Variants in FRS2 observed in about 807,000 individuals in gnomAD.
FRS2 encodes fibroblast growth factor receptor substrate 2, also known as FGFR signalling adaptor.
FRS2 carries 8 observed loss-of-function variants against 43.9 expected under a neutral mutation model. The observed-to-expected ratio is 0.18, with a 90% confidence interval of 0.11 to 0.33. FRS2 has a LOEUF of 0.33. Ranked by LOEUF, FRS2 falls within the 10% of genes least tolerant of loss-of-function variation. The probability of loss-of-function intolerance (pLI) is 1.00; values close to 1 mark genes in which losing one functional copy is unlikely to be tolerated. For synonymous variants in FRS2, 219 were observed against 220.3 expected, an observed-to-expected ratio of 0.99 and a Z score of 0.05; for missense variants, 534 against 627.6, an observed-to-expected ratio of 0.85 and a Z score of 1.59.
chr12:69,480,269 C>T (rs1172941281), intron 1 of FRS2: 1 of 152,184 alleles, frequency 6.6e-6, no homozygotes, highest in Non-Finnish European at 1.5e-5. Flanking sequence ...ACCCATTAGA[C>T]AGTAATTCCT....
At chr12:69,477,608 C>T (rs1870934323) in intron 1 of FRS2, among the ~76,000 whole-genome samples, 1 of 150,936 alleles carries the variant, frequency 6.6e-6, no homozygotes, top group Admixed American at 6.6e-5. Context: ...AAAATTGATG[C>T]TCCTAAGAGA....
chr12:69,547,735 T>G (rs752956285), intron 3 of FRS2, among the ~76,000 whole-genome samples: 2 of 152,174 alleles, frequency 1.3e-5, no homozygotes, highest in African/African-American at 2.4e-5. Context: ...AATTCCATTA[T>G]TAATGAGTTA....
In FRS2 at chr12:69,528,629, T is replaced by C. The variant is rs546127602; in HGVS notation, c.-260-2236T>C. 5.9e-5 allele frequency among the ~76,000 whole-genome samples: 9 copies of C among 152,338 alleles called. No homozygotes were observed. The South Asian group carries it at 1.4e-3, about 25-fold the overall frequency. On this transcript the variant is annotated intron_variant, in intron 1 of 8. Transcript: ENST00000549921. ...CTTAAGAATCTTTTAAAAGGAACAG[T>C]GTAGCTCTACAGATGTTTAGACACA...
intron 1 of FRS2, among the ~76,000 whole-genome samples, chr12:69,472,062 A>G (rs1870347634): frequency 6.6e-6 from 1 of 152,064 alleles, no homozygotes; most frequent in South Asian, 2.1e-4. Flanking sequence ...TAGCTGCACA[A>G]CTTTTCTTTT....
At chr12:69,540,931 A>G (rs924314769) in intron 3 of FRS2, among the ~76,000 whole-genome samples, 2 of 152,194 alleles carry the variant, frequency 1.3e-5, no homozygotes, top group Non-Finnish European at 2.9e-5. Flanking sequence ...ATTCCAAGAG[A>G]GGAGAGGCAT....
intron 3 of FRS2, among the ~76,000 whole-genome samples, chr12:69,547,854 T>TTTTG: frequency 8.4e-6 from 1 of 118,646 alleles, no homozygotes; most frequent in Non-Finnish European, 1.7e-5. Flanking sequence ...TTTTTTTTTT[T>TTTTG]TTGTGAGTCA....
intron 1 of FRS2, among the ~76,000 whole-genome samples, chr12:69,509,835 C>T (rs557063): frequency 0.093 from 14,193 of 152,196 alleles, 874 homozygotes; most frequent in Non-Finnish European, 0.14. Context: ...CTTTTTAAAG[C>T]GAGGTCTCAG....
chr12:69,518,813 G>A (rs552634302), intron 1 of FRS2, among the ~76,000 whole-genome samples: 2 of 151,976 alleles, frequency 1.3e-5, no homozygotes, highest in African/African-American at 2.4e-5. Flanking sequence ...TCTGGAGTTC[G>A]AGACTGGCCT....
chr12:69,547,705 A>G (rs1007910712), intron 3 of FRS2, among the ~76,000 whole-genome samples: 1 of 152,178 alleles, frequency 6.6e-6, no homozygotes, highest in Non-Finnish European at 1.5e-5. Context: ...AATGTTCCGA[A>G]CCAGTTGTAA....
intron 3 of FRS2, among the ~76,000 whole-genome samples, chr12:69,536,863 C>G (rs1877370258): frequency 6.6e-6 from 1 of 152,086 alleles, no homozygotes; most frequent in Non-Finnish European, 1.5e-5. Context: ...GCCACCGTGC[C>G]CAGCTCTGAT....
chr12:69,551,187 C>A (rs1367377253), intron 3 of FRS2, among the ~76,000 whole-genome samples: 1 of 152,084 alleles, frequency 6.6e-6, no homozygotes, highest in Admixed American at 6.5e-5. Flanking sequence ...CTTGTCTCTA[C>A]AAAACATTTA....
intron 1 of FRS2, among the ~76,000 whole-genome samples, chr12:69,514,580 C>G (rs1319031793): frequency 6.6e-6 from 1 of 152,158 alleles, no homozygotes; most frequent in Non-Finnish European, 1.5e-5. Context: ...TGCCTTTAAT[C>G]CCAGCACTTT....
At chr12:69,508,156 C>T (rs1333798074) in intron 1 of FRS2, among the ~76,000 whole-genome samples, 3 of 150,412 alleles carry the variant, frequency 2.0e-5, no homozygotes, top group Admixed American at 1.3e-4. Context: ...GGTAGCCTTT[C>T]AGTCTGTCCA....
Position 69,570,494 on chromosome 12 carries a change from G to A in FRS2, c.230G>A (p.Gly77Asp). The change falls in exon 6 of 9, where the codon GGT becomes GAT. Residue 77 changes from glycine (G) to aspartate (D), a missense_variant. Physicochemically the swap from Gly to Asp is moderately conservative, Grantham distance 94 (BLOSUM62 -1). Around this residue, in one of 3 missense-constraint regions of FRS2, gnomAD observed 12 missense variants for 42.9 expected, o/e 0.28. Transcript: ENST00000549921. ...TCGAATCTCTTTTCTTTTGAAAGTG[G>A]TCGAAGGTGTCAAACTGGACAAGGT... ...YDSNLFSFESGRRCQTGQGIF... is the reference protein window; with the variant it reads ...YDSNLFSFESDRRCQTGQGIF... 6.2e-7 allele frequency: 1 copy of A among 1,611,404 alleles called. No homozygotes were observed. Among genetic ancestry groups the A allele is most frequent in the Non-Finnish European group, 8.5e-7 (1 of 1,177,518 alleles).
intron 3 of FRS2, among the ~76,000 whole-genome samples, chr12:69,561,635 T>C (rs978474523): frequency 6.6e-6 from 1 of 152,206 alleles, no homozygotes; most frequent in Non-Finnish European, 1.5e-5. Context: ...TGTGGCATGC[T>C]TGTTCATACT....
intron 3 of FRS2, among the ~76,000 whole-genome samples, chr12:69,558,954 C>G (rs1879658728): frequency 1.3e-5 from 2 of 152,140 alleles, no homozygotes; most frequent in Non-Finnish European, 2.9e-5. Flanking sequence ...GCTTAAAAAT[C>G]ATTTTTATCT....
intron 1 of FRS2, among the ~76,000 whole-genome samples, chr12:69,526,597 A>T (rs967679725): frequency 6.6e-6 from 1 of 152,226 alleles, no homozygotes; most frequent in African/African-American, 2.4e-5. Context: ...AAAATTAGGA[A>T]AATTAATAGA....
intron 8 of FRS2, 140 bp downstream of exon 8, chr12:69,572,421 A>T (rs1593075774): frequency 1.5e-6 from 1 of 668,128 alleles, no homozygotes; most frequent in East Asian, 2.6e-5. Context: ...CAATCAGAGG[A>T]GATAGCATAT....
chr12:69,523,312 T>G (rs1875874737), intron 1 of FRS2, among the ~76,000 whole-genome samples: 1 of 152,218 alleles, frequency 6.6e-6, no homozygotes, highest in South Asian at 2.1e-4. Context: ...TCTTGTTGAA[T>G]TGAACCTTTT....
Sources: gnomAD v4.1 joint callset for allele counts (sites outside exome capture counted in the v4.1 genomes callset) on GRCh38, gnomAD v4.1.1 for gene constraint, gnomAD v4.1.1 regional missense constraint, MANE v1.5 for transcripts, NCBI Gene and HGNC (gene_info 2026-07-23, HGNC 2026-07-21) for gene names.